The following CBX1 variants were observed in gnomAD, a reference collection of about 807,000 sequenced individuals.
CBX1 encodes chromobox 1, also known as chromobox protein homolog 1.
A neutral mutation model predicts 25.1 loss-of-function variants in CBX1; 10 were observed. The observed-to-expected ratio is 0.40, with a 90% confidence interval of 0.25 to 0.68. The LOEUF is 0.68. Among genes scored for constraint, CBX1 ranks in the 30% least tolerant of loss-of-function variants. The probability of loss-of-function intolerance (pLI) is 0.40; values close to 1 mark genes in which losing one functional copy is unlikely to be tolerated. For missense variants in CBX1, 106 were observed against 218.5 expected, an observed-to-expected ratio of 0.49 and a Z score of 3.25; for synonymous variants, 63 against 79.4, an observed-to-expected ratio of 0.79 and a Z score of 1.10.
At chr17:48,082,346 C>T (rs976646637) in intron 1 of CBX1, among the ~76,000 whole-genome samples, 1 of 151,242 alleles carries the variant, frequency 6.6e-6, no homozygotes, top group African/African-American at 2.4e-5. Context: ...ACTAAAAATA[C>T]AAAAAATTAG....
At chr17:48,075,173 C>G in intron 3 of CBX1, 73 bp from the exon 4 acceptor site, 1 of 950,066 alleles carries the variant, frequency 1.1e-6, no homozygotes, top group East Asian at 2.4e-5. Context: ...ATTCCTGTGT[C>G]TCTGATTAAT....
rs138183362 is a variant in CBX1, at chr17:48,101,308, C to T, written c.-78G>A. 4.1e-6 allele frequency: 4 copies of T among 986,470 alleles called. No individual in the cohort carries two copies. Among genetic ancestry groups the T allele is most frequent in the South Asian group, 4.5e-5 (1 of 22,126 alleles). 61.1% of individuals were successfully genotyped at this position (986,470 alleles called of 1,614,324 possible). A position where few individuals can be genotyped will look rare whatever the true frequency, so the allele number is the denominator to read the frequency against. On this transcript the variant is annotated 5_prime_UTR_variant, in exon 1 of 5. Coordinates refer to ENST00000225603, the MANE Select transcript of CBX1 (RefSeq NM_001127228.2). ...AAGAGCCCGAGAGGAATCGGTGCTG[C>T]GCTGCTGGCGCGTCGCGTCGGGTCG... is the stretch of plus-strand genomic sequence containing the variant.
intron 4 of CBX1, 100 bp downstream of exon 4, chr17:48,074,906 C>T: frequency 1.2e-6 from 1 of 866,030 alleles, no homozygotes; most frequent in South Asian, 1.4e-5. Context: ...CAATTTCACA[C>T]TTGGGTGATT....
intron 1 of CBX1, among the ~76,000 whole-genome samples, chr17:48,081,552 T>A (rs1332616225): frequency 6.6e-6 from 1 of 152,130 alleles, no homozygotes; most frequent in Non-Finnish European, 1.5e-5. Flanking sequence ...GATTCTCCTG[T>A]CTCAGCCTCT....
At chr17:48,085,887 C>T (rs999446637) in intron 1 of CBX1, among the ~76,000 whole-genome samples, 2 of 151,862 alleles carry the variant, frequency 1.3e-5, no homozygotes, top group Admixed American at 6.6e-5. Context: ...GCCAACGTGG[C>T]GAAACCTCGT....
chr17:48,078,316 C>T (rs1014499007), intron 1 of CBX1, among the ~76,000 whole-genome samples: 3 of 152,042 alleles, frequency 2.0e-5, no homozygotes, highest in African/African-American at 7.2e-5. Flanking sequence ...CCTCAGCCTC[C>T]TGAGTAGCTG....
intron 1 of CBX1, among the ~76,000 whole-genome samples, chr17:48,077,452 T>G (rs1303868820): frequency 3.3e-5 from 4 of 120,310 alleles, no homozygotes; most frequent in African/African-American, 5.6e-5. Flanking sequence ...TTTGTTTTTT[T>G]TGTTTTTTTT....
At chr17:48,073,554 C>T (rs2037645693) in intron 4 of CBX1, among the ~76,000 whole-genome samples, 1 of 152,172 alleles carries the variant, frequency 6.6e-6, no homozygotes, top group Admixed American at 6.5e-5. Flanking sequence ...CGGCCAGGTG[C>T]AGTGGCTCAC....
chr17:48,089,878 A>C (rs922468486), intron 1 of CBX1, among the ~76,000 whole-genome samples: 2 of 151,982 alleles, frequency 1.3e-5, no homozygotes, highest in African/African-American at 4.8e-5. Flanking sequence ...TAAAGAAAGG[A>C]AGTAAATTCT....
At chr17:48,079,120 C>G (rs572693724) in intron 1 of CBX1, among the ~76,000 whole-genome samples, 2 of 138,718 alleles carry the variant, frequency 1.4e-5, no homozygotes, top group Admixed American at 7.4e-5. Context: ...CGCACCTCCC[C>G]CTCTTTGAGA....
rs1327413402 is a variant in CBX1 at position 48,071,174 on chromosome 17, GCCCTTT to G, written c.*255_*260del. 6.5e-6 allele frequency: 2 copies of G among 307,092 alleles called. No homozygotes were observed. Among genetic ancestry groups the G allele is most frequent in the Non-Finnish European group, 1.2e-5 (2 of 166,062 alleles). The allele number at this position is 307,092 out of a possible 1,614,324, so 19.0% of individuals were successfully genotyped here. On this transcript the variant is annotated 3_prime_UTR_variant, in exon 5 of 5. Transcript: ENST00000225603. ...CTGCAAGTTTTGTCCTTCATAGAAG[GCCCTTT>G]GCTTTTCGCAGCAAAGTGCAGAAAA...
intron 1 of CBX1, among the ~76,000 whole-genome samples, chr17:48,090,079 T>C (rs2063336420): frequency 6.6e-6 from 1 of 151,796 alleles, no homozygotes; most frequent in Non-Finnish European, 1.5e-5. Flanking sequence ...CTAATTTTTG[T>C]ATTTTTAGTA....
At chr17:48,075,491 C>T (rs2037666826) in intron 3 of CBX1, among the ~76,000 whole-genome samples, 2 of 152,164 alleles carry the variant, frequency 1.3e-5, no homozygotes, top group Admixed American at 6.6e-5. Flanking sequence ...CCGTGCCCGG[C>T]CCAATCACAA....
chr17:48,091,953 A>G (rs973657200), intron 1 of CBX1, among the ~76,000 whole-genome samples: 1 of 146,122 alleles, frequency 6.8e-6, no homozygotes, highest in Non-Finnish European at 1.5e-5. Context: ...TACTCAGGTT[A>G]CAGGCGTGAG....
At chr17:48,098,449 G>A (rs1429757437) in intron 1 of CBX1, among the ~76,000 whole-genome samples, 3 of 152,080 alleles carry the variant, frequency 2.0e-5, no homozygotes, top group Non-Finnish European at 4.4e-5. Context: ...CAATCTGAAC[G>A]GCCTACTATG....
At chr17:48,097,686 G>A (rs1052231665) in intron 1 of CBX1, among the ~76,000 whole-genome samples, 1 of 151,634 alleles carries the variant, frequency 6.6e-6, no homozygotes, top group East Asian at 1.9e-4. Flanking sequence ...TATTTTAAAA[G>A]GCACAATTTC....
chr17:48,084,593 C>T (rs1171738918), intron 1 of CBX1, among the ~76,000 whole-genome samples: 2 of 149,516 alleles, frequency 1.3e-5, no homozygotes, highest in Non-Finnish European at 2.9e-5. Context: ...TGAACCATGG[C>T]GCCCTGCCTA....
rs905304171 is a variant in CBX1, at chr17:48,082,780, C to T, written c.-37-5739G>A. 1.1e-4 allele frequency among the ~76,000 whole-genome samples: 17 copies of T among 149,906 alleles called. 1 individual carries two copies. Among genetic ancestry groups the T allele is most frequent in the African/African-American group, 4.1e-4 (16 of 39,480 alleles). On this transcript the variant is annotated intron_variant, in intron 1 of 4. Coordinates refer to ENST00000225603, the MANE Select transcript of CBX1 (RefSeq NM_001127228.2). ...CTCAAACGCTTGACCTCAAGTAATCCGCCCACCTCAGCCTCCCAAAGTGCT... is the reference window on the plus strand; with the variant it reads ...CTCAAACGCTTGACCTCAAGTAATCTGCCCACCTCAGCCTCCCAAAGTGCT...
chr17:48,099,930 G>A (rs2063398320), intron 1 of CBX1, among the ~76,000 whole-genome samples: 1 of 152,082 alleles, frequency 6.6e-6, no homozygotes, highest in East Asian at 1.9e-4. Flanking sequence ...CACGAGGTCA[G>A]GAGTTCGAGA....
Sources: gnomAD v4.1 joint callset for allele counts (sites outside exome capture counted in the v4.1 genomes callset) on GRCh38, gnomAD v4.1.1 for gene constraint, MANE v1.5 for transcripts, NCBI Gene and HGNC (gene_info 2026-07-23, HGNC 2026-07-21) for gene names.